The following UNC79 variants were observed in gnomAD, a reference collection of about 807,000 sequenced individuals.
UNC79 encodes the protein unc-79 subunit of NALCN channel complex, also known as protein unc-79 homolog.
Under a neutral mutation model 283.1 loss-of-function variants are expected in UNC79, and 37 were observed. The observed-to-expected ratio is 0.13, with a 90% CI of 0.10 to 0.17. The LOEUF (loss-of-function observed/expected upper bound fraction) is 0.17. Among genes scored for constraint, UNC79 ranks in the 10% least tolerant of loss-of-function variants. The pLI is 1.00. For missense variants in UNC79, 2,272 were observed against 3,211.1 expected, an observed-to-expected ratio of 0.71 and a Z score of 7.07; for synonymous variants, 1,107 against 1,200.2, an observed-to-expected ratio of 0.92 and a Z score of 1.61.
intron 1 of UNC79, among the ~76,000 whole-genome samples, chr14:93,360,706 G>A (rs1185707058): frequency 6.6e-6 from 1 of 152,216 alleles, no homozygotes; most frequent in Non-Finnish European, 1.5e-5. Flanking sequence ...CCATTACATT[G>A]ATGACATTCT....
intron 1 of UNC79, among the ~76,000 whole-genome samples, chr14:93,389,426 G>GA (rs2054839581): frequency 6.6e-6 from 1 of 152,082 alleles, no homozygotes; most frequent in African/African-American, 2.4e-5. Context: ...GTGAGAAGGA[G>GA]AAAAAAACTA....
intron 1 of UNC79, among the ~76,000 whole-genome samples, chr14:93,420,407 G>A (rs1006462677): frequency 1.3e-5 from 2 of 151,496 alleles, no homozygotes; most frequent in Non-Finnish European, 3.0e-5. Context: ...TTCAGCAAGA[G>A]GATATAGTAA....
At chr14:93,382,936 T>A (rs1260925299) in intron 1 of UNC79, among the ~76,000 whole-genome samples, 4 of 152,228 alleles carry the variant, frequency 2.6e-5, no homozygotes, top group Non-Finnish European at 5.9e-5. Context: ...CAAGGTAGAA[T>A]GTCTAATCTC....
intron 33 of UNC79, among the ~76,000 whole-genome samples, chr14:93,642,234 C>A (rs1020135713): frequency 1.3e-5 from 2 of 151,924 alleles, no homozygotes; most frequent in African/African-American, 4.8e-5. Context: ...ACCATCCTGG[C>A]TAACATGGTG....
chr14:93,438,190 C>T (rs1279449328), intron 1 of UNC79, among the ~76,000 whole-genome samples: 4 of 152,208 alleles, frequency 2.6e-5, no homozygotes, highest in African/African-American at 9.6e-5. Context: ...TATTAAATAA[C>T]TTTTTTCAAG....
chr14:93,545,906 T>G (rs2061576951), intron 14 of UNC79, among the ~76,000 whole-genome samples: 1 of 151,482 alleles, frequency 6.6e-6, no homozygotes, highest in African/African-American at 2.4e-5. Context: ...GAGGAAGGAG[T>G]AGGGGTGGCT....
chr14:93,582,121 G>A, intron 19 of UNC79, 82 bp from the exon 20 acceptor site: 1 of 1,607,248 alleles, frequency 6.2e-7, no homozygotes, highest in Non-Finnish European at 8.5e-7. Flanking sequence ...CAGGTGTGCA[G>A]TCCAGCTTTG....
At chr14:93,570,437 A>G (rs1951712) in intron 14 of UNC79, among the ~76,000 whole-genome samples, 149,405 of 152,284 alleles carry the variant, frequency 0.98, 73,305 homozygotes, top group African/African-American at 1. Context: ...CCTTTAGGAT[A>G]AATTCCTGCC....
At chr14:93,489,066 T>G (rs942607313) in intron 5 of UNC79, among the ~76,000 whole-genome samples, 7 of 152,192 alleles carry the variant, frequency 4.6e-5, no homozygotes, top group African/African-American at 1.7e-4. Context: ...CTCAGCCTCT[T>G]GAGTAGCTGG....
intron 1 of UNC79, among the ~76,000 whole-genome samples, chr14:93,424,669 A>T (rs888818109): frequency 6.6e-6 from 1 of 151,960 alleles, no homozygotes; most frequent in African/African-American, 2.4e-5. Flanking sequence ...AAACAATTGA[A>T]CTCATAGAGA....
At chr14:93,536,933 T>C (rs2061116929) in intron 11 of UNC79, among the ~76,000 whole-genome samples, 1 of 152,156 alleles carries the variant, frequency 6.6e-6, no homozygotes, top group South Asian at 2.1e-4. Context: ...CTGGATTTGA[T>C]GTTTGCCTTG....
intron 27 of UNC79, among the ~76,000 whole-genome samples, chr14:93,616,203 A>T (rs2066710426): frequency 6.6e-6 from 1 of 152,114 alleles, no homozygotes; most frequent in Admixed American, 6.5e-5. Context: ...ATCTAATCCC[A>T]TATTATTGAA....
chr14:93,507,077 TTAG>T (rs1163265555), intron 7 of UNC79, among the ~76,000 whole-genome samples: 1 of 152,218 alleles, frequency 6.6e-6, no homozygotes, highest in Admixed American at 6.5e-5. Flanking sequence ...TTAGTGGATA[TTAG>T]TAGTTCTTTT....
intron 23 of UNC79, among the ~76,000 whole-genome samples, chr14:93,595,791 C>A (rs112416981): frequency 0.02 from 2,970 of 152,266 alleles, 94 homozygotes; most frequent in African/African-American, 0.068. Context: ...AGTCATATTT[C>A]AGCTATAGTT....
At chr14:93,603,544 C>A (rs901434474) in intron 26 of UNC79, 126 bp downstream of exon 26, 1 of 1,157,760 alleles carries the variant, frequency 8.6e-7, no homozygotes, top group Non-Finnish European at 1.2e-6. Flanking sequence ...ATAAGTTTGG[C>A]TTTCAGATTC....
intron 8 of UNC79, among the ~76,000 whole-genome samples, chr14:93,528,011 G>A (rs943769508): frequency 6.6e-6 from 1 of 151,786 alleles, no homozygotes; most frequent in Non-Finnish European, 1.5e-5. Context: ...AGAAAGGTTG[G>A]ATGATTGATA....
At chr14:93,557,593 TCA>T (rs1208911062) in intron 14 of UNC79, among the ~76,000 whole-genome samples, 15 of 151,142 alleles carry the variant, frequency 9.9e-5, no homozygotes, top group African/African-American at 3.7e-4. Flanking sequence ...AGACAGAAAA[TCA>T]CAAGCTGCCT....
chr14:93,591,243 G>A (rs980268313), intron 22 of UNC79, among the ~76,000 whole-genome samples: 3 of 152,106 alleles, frequency 2.0e-5, no homozygotes, highest in East Asian at 1.9e-4. Flanking sequence ...GAGATGGCAC[G>A]TGTCACTCTT....
intron 1 of UNC79, among the ~76,000 whole-genome samples, chr14:93,436,325 CTAAATCAAATGT>C (rs2056083847): frequency 6.6e-6 from 1 of 152,138 alleles, no homozygotes; most frequent in Non-Finnish European, 1.5e-5. Context: ...AATATATTTG[CTAAATCAAATGT>C]TACAGTATTT....
Sources: gnomAD v4.1 joint callset for allele counts (sites outside exome capture counted in the v4.1 genomes callset) on GRCh38, gnomAD v4.1.1 for gene constraint, MANE v1.5 for transcripts, NCBI Gene and HGNC (gene_info 2026-07-23, HGNC 2026-07-21) for gene names.